The following SLC25A53 variants were observed in gnomAD, a reference collection of about 807,000 sequenced individuals.
SLC25A53 encodes mitochondrial carrier triple repeat protein 6.
SLC25A53 carries 5 observed loss-of-function variants against 15.0 expected under a neutral mutation model. That is an observed-to-expected ratio of 0.33 (90% CI 0.17 to 0.70). SLC25A53 has a LOEUF of 0.70. Ranked by LOEUF, SLC25A53 falls within the 30% of genes least tolerant of loss-of-function variation. The pLI is 0.67. For synonymous variants in SLC25A53, 95 were observed against 100.0 expected (o/e 0.95, Z 0.30); for missense variants, 216 against 241.6 (o/e 0.89, Z 0.70).
intron 1 of SLC25A53, among the ~76,000 whole-genome samples, chrX:104,147,171 C>T (rs1173189524): frequency 3.6e-5 from 4 of 111,463 alleles, no homozygotes; most frequent in Non-Finnish European, 7.5e-5. Flanking sequence ...TATCTGATCT[C>T]TGGCAAACCT....
chrX:104,125,136 C>T (rs782718893), intron 1 of SLC25A53, among the ~76,000 whole-genome samples: 4 of 110,587 alleles, frequency 3.6e-5, no homozygotes, highest in East Asian at 5.7e-4. Context: ...TGAGCCACCA[C>T]GCCGGGCCAA....
Position 104,104,892 on chromosome X carries a change from G to A in SLC25A53, c.366C>T (p.Leu122=), listed in dbSNP as rs781977014. 8.3e-6 allele frequency: 10 copies of A among 1,210,073 alleles called. No homozygotes were observed. In the Admixed American group the frequency reaches 1.1e-4, roughly 13 times the overall value. The part of the protein sequence containing the change: ...HTLGHRWAAG[L]MSGVVEAVAL... ...CCACGGCCTCCACCACGCCAGACATGAGCCCGGCAGCCCAGCGGTGTCCCA... is the reference window on the plus strand; with the variant it reads ...CCACGGCCTCCACCACGCCAGACATAAGCCCGGCAGCCCAGCGGTGTCCCA... The change falls in exon 2 of 2, where the codon CTC becomes CTT. Residue 122 remains leucine (L), a synonymous_variant. Coordinates refer to ENST00000594199, the MANE Select transcript of SLC25A53 (RefSeq NM_001012755.5).
Position 104,101,990 on chromosome X carries a change from T to C in SLC25A53, c.*2344A>G, listed in dbSNP as rs1864139237. 8.9e-6 allele frequency: 1 copy of C among 112,200 alleles called. No homozygotes were observed. The highest frequency in any genetic ancestry group is 3.7e-4 in the South Asian group (1 of 2,716). 9.2% of individuals were successfully genotyped at this position (112,200 alleles called of 1,213,427 possible). The stretch of plus-strand genomic sequence containing the variant: ...TGTACTTGGGAGATGAATGCATCTT[T>C]TTCCTTTCCTTATGCAGACTCTGTG... On this transcript the variant is annotated 3_prime_UTR_variant, in exon 2 of 2. Coordinates refer to ENST00000594199, the MANE Select transcript of SLC25A53 (RefSeq NM_001012755.5).
intron 1 of SLC25A53, among the ~76,000 whole-genome samples, chrX:104,152,446 A>G (rs1473770105): frequency 1.8e-5 from 2 of 109,400 alleles, no homozygotes; most frequent in African/African-American, 6.7e-5. Flanking sequence ...CATGGTGTAT[A>G]TGTGCCACAT....
chrX:104,139,032 C>G (rs782023328), intron 1 of SLC25A53, among the ~76,000 whole-genome samples: 38 of 112,675 alleles, frequency 3.4e-4, no homozygotes, highest in Non-Finnish European at 6.6e-4. Flanking sequence ...CCTGTCCTCA[C>G]CCAGGTCCAT....
intron 1 of SLC25A53, among the ~76,000 whole-genome samples, chrX:104,133,590 C>G (rs2075430354): frequency 9.0e-6 from 1 of 111,363 alleles, no homozygotes; most frequent in South Asian, 3.8e-4. Context: ...TACTATGACC[C>G]CCAGCACACA....
At chrX:104,130,842 A>G (rs1472328961) in intron 1 of SLC25A53, 1 of 111,924 alleles carries the variant, frequency 8.9e-6, no homozygotes, top group Non-Finnish European at 1.9e-5. Flanking sequence ...TAACGGAAAT[A>G]TAACGTGCAT....
intron 1 of SLC25A53, among the ~76,000 whole-genome samples, chrX:104,148,029 T>C (rs1346137707): frequency 9.0e-6 from 1 of 111,322 alleles, no homozygotes; most frequent in Non-Finnish European, 1.9e-5. Flanking sequence ...TTATTCACAA[T>C]AGCAAAGACT....
intron 1 of SLC25A53, among the ~76,000 whole-genome samples, chrX:104,142,165 A>G (rs2075452449): frequency 9.0e-6 from 1 of 110,942 alleles, no homozygotes; most frequent in African/African-American, 3.3e-5. Context: ...GGATTGTTTG[A>G]GCCTGGGAGT....
chrX:104,113,998 T>C (rs1004380129), intron 1 of SLC25A53: 21 of 1,124,110 alleles, frequency 1.9e-5, no homozygotes, highest in Non-Finnish European at 2.5e-5. Flanking sequence ...GAATCCCTAC[T>C]GAAATATAAG....
intron 1 of SLC25A53, among the ~76,000 whole-genome samples, chrX:104,155,564 T>C (rs782302552): frequency 1.8e-5 from 2 of 111,526 alleles, no homozygotes; most frequent in Non-Finnish European, 3.8e-5. Context: ...CAGAGAAATA[T>C]TGCTTAGGAT....
At chrX:104,155,062 A>G (rs2075496298) in intron 1 of SLC25A53, among the ~76,000 whole-genome samples, 1 of 112,012 alleles carries the variant, frequency 8.9e-6, no homozygotes, top group Non-Finnish European at 1.9e-5. Context: ...AGATTTTCTA[A>G]GCAGTGTCAA....
At chrX:104,150,550 T>C (rs1257549430) in intron 1 of SLC25A53, among the ~76,000 whole-genome samples, 1 of 112,066 alleles carries the variant, frequency 8.9e-6, no homozygotes, top group Non-Finnish European at 1.9e-5. Flanking sequence ...ACCTCATAAC[T>C]GTATCTGAAG....
chrX:104,143,543 A>T (rs186129898), intron 1 of SLC25A53, among the ~76,000 whole-genome samples: 2 of 112,087 alleles, frequency 1.8e-5, no homozygotes, highest in African/African-American at 6.5e-5. Flanking sequence ...CAAGAAGACA[A>T]GATTAGAGAA....
chrX:104,143,973 A>G (rs1556368084), intron 1 of SLC25A53, among the ~76,000 whole-genome samples: 3 of 111,632 alleles, frequency 2.7e-5, no homozygotes, highest in African/African-American at 9.8e-5. Flanking sequence ...AAAATTTTCA[A>G]CCCAGAATTT....
At chrX:104,136,499 T>C (rs2075436894) in intron 1 of SLC25A53, among the ~76,000 whole-genome samples, 1 of 111,917 alleles carries the variant, frequency 8.9e-6, no homozygotes, top group Non-Finnish European at 1.9e-5. Flanking sequence ...CAGCTTGAAC[T>C]TTCGTGGACA....
At chrX:104,129,430 G>A (rs1345484830) in intron 1 of SLC25A53, among the ~76,000 whole-genome samples, 2 of 111,034 alleles carry the variant, frequency 1.8e-5, no homozygotes, top group Non-Finnish European at 3.8e-5. Flanking sequence ...AGAAACACTA[G>A]GCAGTACTTC....
Position 104,100,229 on chromosome X carries a change from C to G in SLC25A53, c.*4105G>C. On this transcript the variant is annotated 3_prime_UTR_variant, in exon 2 of 2. Transcript: ENST00000594199. ...TAAAACGTTATTATTTCAACTTGAG[C>G]TTTATAAAAGCTGATGTAGTTTATA... 1 of 111,476 alleles carries G rather than the reference C, an allele frequency of 9.0e-6. No individual in the cohort carries two copies. The highest frequency in any genetic ancestry group is 1.9e-5 in the Non-Finnish European group (1 of 53,022). 9.2% of individuals were successfully genotyped at this position (111,476 alleles called of 1,213,427 possible). A position where few individuals can be genotyped will look rare whatever the true frequency, so the allele number is the denominator to read the frequency against.
intron 1 of SLC25A53, among the ~76,000 whole-genome samples, chrX:104,152,172 ACC>A (rs1449949889): frequency 6.6e-5 from 7 of 106,768 alleles, no homozygotes; most frequent in African/African-American, 2.4e-4. Flanking sequence ...GGTGTGCTGC[ACC>A]CATTAACTCG....
Sources: allele counts gnomAD v4.1 joint callset (sites outside exome capture counted in the v4.1 genomes callset), GRCh38; gene constraint gnomAD v4.1.1; transcripts MANE v1.5; gene names NCBI Gene and HGNC (gene_info 2026-07-23, HGNC 2026-07-21).